Variants in RALGPS1 observed in about 807,000 individuals in gnomAD.
RALGPS1 encodes the protein ras-specific guanine nucleotide-releasing factor RalGPS1.
Under a neutral mutation model 78.8 loss-of-function variants are expected in RALGPS1, and 19 were observed. The ratio of observed to expected loss-of-function variants is 0.24; its 90% CI spans 0.17 to 0.35. RALGPS1 has a LOEUF of 0.35. Among genes scored for constraint, RALGPS1 ranks in the 10% least tolerant of loss-of-function variants. The probability of loss-of-function intolerance (pLI) is 1.00; values close to 1 mark genes in which losing one functional copy is unlikely to be tolerated. For synonymous variants in RALGPS1, 228 were observed against 256.3 expected, an observed-to-expected ratio of 0.89 and a Z score of 1.06; for missense variants, 454 against 688.3, an observed-to-expected ratio of 0.66 and a Z score of 3.81.
intron 11 of RALGPS1, among the ~76,000 whole-genome samples, chr9:127,194,394 G>A (rs2061241910): frequency 6.6e-6 from 1 of 152,164 alleles, no homozygotes; most frequent in South Asian, 2.1e-4. Context: ...CAGGGGTAAG[G>A]GAATGGACTT....
intron 18 of RALGPS1, chr9:127,217,150 G>T (rs2062631282): frequency 7.8e-7 from 1 of 1,276,492 alleles, no homozygotes. Context: ...GAGCACTAAT[G>T]GGTCAGTTTC....
At chr9:126,954,798 G>T (rs2038191163) in intron 1 of RALGPS1, among the ~76,000 whole-genome samples, 1 of 152,162 alleles carries the variant, frequency 6.6e-6, no homozygotes, top group South Asian at 2.1e-4. Flanking sequence ...GACAGAGTGA[G>T]ACTCTGTCTC....
intron 4 of RALGPS1, among the ~76,000 whole-genome samples, chr9:127,006,223 A>T (rs62580797): frequency 0.027 from 4,182 of 152,302 alleles, 52 homozygotes; most frequent in Middle Eastern, 0.048. Flanking sequence ...CAAAACATGA[A>T]AACAGAGTAT....
intron 8 of RALGPS1, chr9:127,108,176 G>A (rs372742564): frequency 4.3e-6 from 7 of 1,614,144 alleles, no homozygotes; most frequent in Non-Finnish European, 5.1e-6. Context: ...AGTGTGGCCA[G>A]GTGCTGGTAC....
intron 2 of RALGPS1, among the ~76,000 whole-genome samples, chr9:126,965,210 C>T (rs2039357269): frequency 6.6e-6 from 1 of 152,194 alleles, no homozygotes; most frequent in South Asian, 2.1e-4. Context: ...ACAACAGCCT[C>T]TAAAGCCAGT....
chr9:127,065,937 A>G (rs992699771), intron 7 of RALGPS1, among the ~76,000 whole-genome samples: 3 of 152,262 alleles, frequency 2.0e-5, no homozygotes, highest in African/African-American at 7.2e-5. Flanking sequence ...CTTATGCACT[A>G]TTCTTGAGAA....
intron 4 of RALGPS1, among the ~76,000 whole-genome samples, chr9:127,022,729 C>A (rs1465814775): frequency 6.6e-6 from 1 of 152,130 alleles, no homozygotes; most frequent in Admixed American, 6.5e-5. Flanking sequence ...GACCCTCCTC[C>A]CCTAGATACC....
chr9:127,154,889 T>C (rs892774669), intron 8 of RALGPS1, among the ~76,000 whole-genome samples: 2 of 152,200 alleles, frequency 1.3e-5, no homozygotes, highest in Admixed American at 6.5e-5. Context: ...AGCAAATCTC[T>C]GAGCCAGGGT....
In RALGPS1 at chr9:127,192,283, G is replaced by C. The variant is rs114882782; in HGVS notation, c.911-2808G>C. ...CAAGTGAGGAGGGAAAGGGAGGAGA[G>C]AAGAGGCAAGTTGCCGTGTGGCAGG... On this transcript the variant is annotated intron_variant, in intron 11 of 18. Coordinates refer to ENST00000259351, the MANE Select transcript of RALGPS1 (RefSeq NM_014636.3). Among the ~76,000 whole-genome samples, 622 of 152,338 alleles carry C rather than the reference G, an allele frequency of 4.1e-3. 3 individuals are homozygous for C. Among genetic ancestry groups the C allele is most frequent in the African/African-American group, 0.015 (603 of 41,586 alleles).
intron 8 of RALGPS1, among the ~76,000 whole-genome samples, chr9:127,098,864 T>C (rs1015961169): frequency 3.3e-5 from 5 of 152,156 alleles, no homozygotes; most frequent in Non-Finnish European, 7.4e-5. Context: ...TCTCTGTGGG[T>C]CTGGGGCAGA....
chr9:127,014,751 C>T (rs1309290799), intron 4 of RALGPS1, among the ~76,000 whole-genome samples: 1 of 152,038 alleles, frequency 6.6e-6, no homozygotes, highest in African/African-American at 2.4e-5. Flanking sequence ...CTAGGCCCAT[C>T]ATTTTTTTAC....
chr9:127,089,113 T>A, intron 8 of RALGPS1: 7 of 1,614,144 alleles, frequency 4.3e-6, no homozygotes, highest in Non-Finnish European at 5.9e-6. Flanking sequence ...ACCACCAGCC[T>A]CCCTTCTGGT....
At chr9:126,990,147 G>C in intron 4 of RALGPS1, 1 of 913,352 alleles carries the variant, frequency 1.1e-6, no homozygotes. Context: ...GGAGAGGGAA[G>C]AATGTGGCCA....
intron 8 of RALGPS1, among the ~76,000 whole-genome samples, chr9:127,125,961 C>A (rs958804271): frequency 6.6e-6 from 1 of 152,040 alleles, no homozygotes; most frequent in Non-Finnish European, 1.5e-5. Context: ...TTGGAAACAG[C>A]GGGATGGTCC....
intron 4 of RALGPS1, among the ~76,000 whole-genome samples, chr9:126,992,477 A>G (rs1441677908): frequency 6.6e-6 from 1 of 152,170 alleles, no homozygotes; most frequent in East Asian, 1.9e-4. Flanking sequence ...ATTCTGTTTC[A>G]AAATTGTTCT....
chr9:127,105,415 C>T (rs2054128298), intron 8 of RALGPS1, among the ~76,000 whole-genome samples: 1 of 152,228 alleles, frequency 6.6e-6, no homozygotes, highest in Admixed American at 6.5e-5. Flanking sequence ...AGGAATAGAA[C>T]TGTGCCCCTG....
At chr9:126,932,588 A>G (rs994581461) in intron 1 of RALGPS1, among the ~76,000 whole-genome samples, 3 of 152,220 alleles carry the variant, frequency 2.0e-5, no homozygotes, top group African/African-American at 4.8e-5. Flanking sequence ...GTACAAGCCC[A>G]TTAAAACAAT....
intron 4 of RALGPS1, among the ~76,000 whole-genome samples, chr9:127,010,818 A>G (rs1024778123): frequency 6.6e-6 from 1 of 152,240 alleles, no homozygotes; most frequent in Non-Finnish European, 1.5e-5. Context: ...ACACTTGGCC[A>G]TTAGGAAGCT....
intron 1 of RALGPS1, among the ~76,000 whole-genome samples, chr9:126,948,575 G>A (rs2037500445): frequency 6.6e-6 from 1 of 152,024 alleles, no homozygotes; most frequent in Non-Finnish European, 1.5e-5. Context: ...CCTTGAAAAG[G>A]TTAGGCATCC....
Sources: allele counts gnomAD v4.1 joint callset (sites outside exome capture counted in the v4.1 genomes callset), GRCh38; gene constraint gnomAD v4.1.1; transcripts MANE v1.5; gene names NCBI Gene and HGNC (gene_info 2026-07-23, HGNC 2026-07-21).